G6PC1: variants seen among roughly 807,000 people sequenced by gnomAD.
G6PC1 encodes G-6-Pase.
Under a neutral mutation model 30.4 loss-of-function variants are expected in G6PC1, and 23 were observed. The observed-to-expected ratio is 0.76, with a 90% CI of 0.55 to 1.07. G6PC1 has a LOEUF of 1.07. Among genes scored for constraint, G6PC1 ranks in the 50% least tolerant of loss-of-function variants. The probability of loss-of-function intolerance (pLI) is 0.00; values close to 1 mark genes in which losing one functional copy is unlikely to be tolerated. For missense variants in G6PC1, 391 were observed against 433.9 expected, an observed-to-expected ratio of 0.90 and a Z score of 0.88; for synonymous variants, 163 against 175.6, an observed-to-expected ratio of 0.93 and a Z score of 0.57.
At chr17:42,910,772 G>A in intron 4 of G6PC1, 143 bp from the exon 5 acceptor site, 1 of 784,138 alleles carries the variant, frequency 1.3e-6, no homozygotes, top group African/African-American at 1.7e-5. Context: ...ATGGGAATAA[G>A]CCAGGCGACC....
chr17:42,906,842 T>C (rs2056065054), intron 2 of G6PC1, among the ~76,000 whole-genome samples: 1 of 152,078 alleles, frequency 6.6e-6, no homozygotes, highest in Non-Finnish European at 1.5e-5. Flanking sequence ...ATCATGGCAC[T>C]GCATTGCAGC....
At position 42,911,918 on chromosome 17, in the gene G6PC1, A is replaced by C. The variant is rs532485841; in HGVS notation, c.*492A>C. 4.7e-5 allele frequency: 8 copies of C among 169,980 alleles called. No homozygotes were observed. In the South Asian group the frequency reaches 1.2e-3, roughly 24 times the overall value. 10.5% of individuals were successfully genotyped at this position (169,980 alleles called of 1,614,324 possible). On this transcript the variant is annotated 3_prime_UTR_variant, in exon 5 of 5. Coordinates refer to ENST00000253801, the MANE Select transcript of G6PC1 (RefSeq NM_000151.4). ...TGGGTTGTTCTGGATTTTCCCCTGAAGACTTACTTATTCTTCCGTCACATA... is the reference window on the plus strand; with the variant it reads ...TGGGTTGTTCTGGATTTTCCCCTGACGACTTACTTATTCTTCCGTCACATA...
Position 42,911,471 on chromosome 17 carries a change from G to T in G6PC1, c.*45G>T, listed in dbSNP as rs537055293. The T allele has an allele frequency of 2.5e-4, 410 of 1,613,054 alleles. No individual in the cohort carries two copies. The highest frequency in any genetic ancestry group is 3.3e-4 in the Middle Eastern group (2 of 6,058). ...GTTTAAAGTCAACAACCATGCCAGG[G>T]ATTGAGGAGGACTACTATTTGAAGC... On this transcript the variant is annotated 3_prime_UTR_variant, in exon 5 of 5. Transcript: ENST00000253801.
intron 1 of G6PC1, among the ~76,000 whole-genome samples, chr17:42,903,450 A>G (rs530735020): frequency 5.9e-5 from 9 of 151,582 alleles, no homozygotes; most frequent in African/African-American, 1.9e-4. Flanking sequence ...ACGGTGGCTC[A>G]TGCCTGTAAT....
rs750886274 is a variant in G6PC1 at position 42,903,939 on chromosome 17, T to C, written c.239T>C (p.Phe80Ser). 7 of 1,610,440 alleles carry C rather than the reference T, an allele frequency of 4.3e-6. No homozygotes were observed. Among genetic ancestry groups the C allele is most frequent in the Non-Finnish European group, 5.9e-6 (7 of 1,176,762 alleles). Residue 80 changes from phenylalanine (F) to serine (S), a missense_variant, in exon 2 of 5, where the codon TTT (phenylalanine) becomes TCT (serine). Phe to Ser is a radical substitution (Grantham distance 155, BLOSUM62 -2). Transcript: ENST00000253801. ...GTTCTGTTTTTCCATAGGATTCTCT[T>C]TGGACAGCGTCCATACTGGTGGGTT... ...WLNLVFKWIL[F>S]GQRPYWWVLD...
At chr17:42,908,242 G>C (rs1055514509) in intron 3 of G6PC1, among the ~76,000 whole-genome samples, 1 of 152,088 alleles carries the variant, frequency 6.6e-6, no homozygotes, top group East Asian at 1.9e-4. Context: ...TGTTGCCCAG[G>C]CTCAGGCTGG....
chr17:42,907,712 C>T (rs1384428999), intron 3 of G6PC1, 84 bp downstream of exon 3: 1 of 946,808 alleles, frequency 1.1e-6, no homozygotes, highest in Non-Finnish European at 1.7e-6. Context: ...TTCTTCCTCA[C>T]ATCCCCCTAG....
At position 42,911,724 on chromosome 17, in the gene G6PC1, C is replaced by T; in HGVS notation, c.*298C>T. 1 of 460,718 alleles carries T rather than the reference C, an allele frequency of 2.2e-6. No individual in the cohort carries two copies. The highest frequency in any genetic ancestry group is 4.0e-6 in the Non-Finnish European group (1 of 249,434). The allele number at this position is 460,718 out of a possible 1,614,324, so 28.5% of individuals were successfully genotyped here. On this transcript the variant is annotated 3_prime_UTR_variant, in exon 5 of 5. Transcript: ENST00000253801. The stretch of plus-strand genomic sequence containing the variant: ...CTTGAATACTCTCACAAGTAGGGAG[C>T]TCACTCCCACTGGAACAGCCCATTT...
Position 42,911,581 on chromosome 17 carries a change from GCCTGGCTTATTC to G in G6PC1, c.*158_*169del, listed in dbSNP as rs1314970749. ...ATCACGGATGGCAGATTGGAGGGTC[GCCTGGCTTATTC>G]CCATGTGTGACTCCAGCCTGCCCTC... On this transcript the variant is annotated 3_prime_UTR_variant, in exon 5 of 5. Coordinates refer to ENST00000253801, the MANE Select transcript of G6PC1 (RefSeq NM_000151.4). The G allele has an allele frequency of 4.4e-6, 5 of 1,139,686 alleles. No individual in the cohort carries two copies. Among genetic ancestry groups the G allele is most frequent in the Non-Finnish European group, 5.0e-6 (4 of 792,214 alleles). 70.6% of individuals were successfully genotyped at this position (1,139,686 alleles called of 1,614,324 possible).
Position 42,909,205 on chromosome 17 carries a change from C to T in G6PC1, c.447-98C>T, listed in dbSNP as rs2056080520. On this transcript the variant is annotated intron_variant, in intron 3 of 4. Transcript: ENST00000253801. The stretch of plus-strand genomic sequence containing the variant: ...TAATTTACAAAAATTCCACTGAGAG[C>T]ACCTAAGTTTGCCAGGCTCCAACAT... 13 of 895,604 alleles carry T rather than the reference C, an allele frequency of 1.5e-5. No individual in the cohort carries two copies. The South Asian group carries it at 1.6e-4, about 11-fold the overall frequency. 55.5% of individuals were successfully genotyped at this position (895,604 alleles called of 1,614,324 possible).
At chr17:42,904,748 C>T (rs533537229) in intron 2 of G6PC1, among the ~76,000 whole-genome samples, 155 of 152,306 alleles carry the variant, frequency 1.0e-3, no homozygotes, top group African/African-American at 3.7e-3. Context: ...ACAACACAGA[C>T]ACAAAGATCC....
rs1555560217 is a variant in G6PC1, at chr17:42,911,419, C to T, written c.1067C>T (p.Ser356Leu). 7.4e-6 allele frequency: 12 copies of T among 1,614,090 alleles called. No homozygotes were observed. In the East Asian group the frequency reaches 1.8e-4, roughly 24 times the overall value. ...AQVLGQPHKK[S>L]L ...GTCCTGGGCCAGCCGCACAAGAAGTCGTTGTAAGAGATGTGGAGTCTTCGG... is the reference window on the plus strand; with the variant it reads ...GTCCTGGGCCAGCCGCACAAGAAGTTGTTGTAAGAGATGTGGAGTCTTCGG... The change falls in exon 5 of 5, where the codon TCG becomes TTG. Residue 356 changes from serine (S) to leucine (L), a missense_variant. Coordinates refer to ENST00000253801, the MANE Select transcript of G6PC1 (RefSeq NM_000151.4).
In G6PC1 at chr17:42,901,117, T is replaced by C. The variant is rs756151664; in HGVS notation, c.230+11T>C. 1.9e-6 allele frequency: 3 copies of C among 1,600,384 alleles called. No individual in the cohort carries two copies. Among genetic ancestry groups the C allele is most frequent in the Non-Finnish European group, 2.6e-6 (3 of 1,167,466 alleles). ...CCTCGTCTTTAAGTGGTAAGAACCA[T>C]ATAGAGAGGAGATCAGCAAGAAAAG... On this transcript the variant is annotated intron_variant, in intron 1 of 4. Coordinates refer to ENST00000253801, the MANE Select transcript of G6PC1 (RefSeq NM_000151.4).
At chr17:42,906,809 G>A (rs982819912) in intron 2 of G6PC1, among the ~76,000 whole-genome samples, 1 of 152,164 alleles carries the variant, frequency 6.6e-6, no homozygotes, top group Non-Finnish European at 1.5e-5. Flanking sequence ...GAGTCCAGGA[G>A]GTCGAGGCTG....
chr17:42,903,911 C>G lies in G6PC1; in HGVS notation c.231-20C>G. 2 of 1,529,104 alleles carry G rather than the reference C, an allele frequency of 1.3e-6. No individual in the cohort carries two copies. The highest frequency in any genetic ancestry group is 1.8e-6 in the Non-Finnish European group (2 of 1,102,772). 94.7% of individuals were successfully genotyped at this position (1,529,104 alleles called of 1,614,324 possible). On this transcript the variant is annotated intron_variant, in intron 1 of 4. Transcript: ENST00000253801. ...AGCATTCATTCAGTAACCCCAGAAA[C>G]TTGTTCTGTTTTTCCATAGGATTCT... is the stretch of plus-strand genomic sequence containing the variant.
intron 1 of G6PC1, among the ~76,000 whole-genome samples, chr17:42,902,615 G>A (rs933816481): frequency 6.6e-6 from 1 of 152,154 alleles, no homozygotes; most frequent in Non-Finnish European, 1.5e-5. Flanking sequence ...GAAGAACCAT[G>A]CAATCTCTCT....
In G6PC1 at chr17:42,912,087, G is replaced by C. The variant is rs1305860138; in HGVS notation, c.*661G>C. 1.3e-5 allele frequency: 2 copies of C among 154,892 alleles called. No homozygotes were observed. The highest frequency in any genetic ancestry group is 2.9e-5 in the Non-Finnish European group (2 of 69,928). 9.6% of individuals were successfully genotyped at this position (154,892 alleles called of 1,614,324 possible). A position where few individuals can be genotyped will look rare whatever the true frequency, so the allele number is the denominator to read the frequency against. On this transcript the variant is annotated 3_prime_UTR_variant, in exon 5 of 5. Transcript: ENST00000253801. ...ATAGGAAAAGAAGGCTGCCTAAGGA[G>C]GAGTTTTTAGTATGTGGCGTATCAT...
Position 42,900,993 on chromosome 17 carries a change from C to T in G6PC1, c.117C>T (p.Leu39=). ...WFILVSVIAD[L]RNAFYVLFPI... ...TCTTGGTGTCCGTGATCGCAGACCT[C>T]AGGAATGCCTTCTACGTCCTCTTCC... is the stretch of plus-strand genomic sequence containing the variant. Residue 39 remains leucine (L), a synonymous_variant, in exon 1 of 5, where the codon CTC becomes CTT. Coordinates refer to ENST00000253801, the MANE Select transcript of G6PC1 (RefSeq NM_000151.4). 1 of 1,614,172 alleles carries T rather than the reference C, an allele frequency of 6.2e-7. No homozygotes were observed. The highest frequency in any genetic ancestry group is 8.5e-7 in the Non-Finnish European group (1 of 1,180,034).
intron 1 of G6PC1, 121 bp downstream of exon 1, chr17:42,901,227 C>T: frequency 2.4e-6 from 2 of 828,414 alleles, no homozygotes; most frequent in Admixed American, 1.9e-5. Context: ...ACTCATGCTT[C>T]CAACCCCTCT....
Sources: gnomAD v4.1 joint callset for allele counts (sites outside exome capture counted in the v4.1 genomes callset) on GRCh38, gnomAD v4.1.1 for gene constraint, MANE v1.5 for transcripts, NCBI Gene and HGNC (gene_info 2026-07-23, HGNC 2026-07-21) for gene names.